ATP8B3: variants seen among roughly 807,000 people sequenced by gnomAD.
ATP8B3 encodes phospholipid-transporting ATPase IK.
ATP8B3 carries 141 observed loss-of-function variants against 140.9 expected under a neutral mutation model. The observed-to-expected ratio is 1.00, with a 90% CI of 0.87 to 1.15. The LOEUF is 1.15. Ranked by LOEUF, ATP8B3 falls within the 50% of genes most tolerant of loss-of-function variation. The pLI, the probability that ATP8B3 is intolerant of heterozygous loss-of-function variation, is 0.00. For missense variants in ATP8B3, 1,874 were observed against 1,740.6 expected (o/e 1.08, Z -1.36); for synonymous variants, 765 against 714.6 (o/e 1.07, Z -1.13).
chr19:1,799,791 C>G, intron 14 of ATP8B3, 156 bp downstream of exon 14: 2 of 765,816 alleles, frequency 2.6e-6, no homozygotes. Flanking sequence ...TTTCCTGGCC[C>G]CCTCCAAAGG....
rs535465823 is a variant in ATP8B3, at chr19:1,790,954, G to A, written c.2303-122C>T. ...TGGCAGCCACATGCCCCACCCCCTGGCCATGGTGATTGGTTCAGAGAAGGG... is the reference window on the plus strand; with the variant it reads ...TGGCAGCCACATGCCCCACCCCCTGACCATGGTGATTGGTTCAGAGAAGGG... On this transcript the variant is annotated intron_variant, in intron 20 of 28. Transcript: ENST00000310127. 4.6e-5 allele frequency: 37 copies of A among 811,956 alleles called. No homozygotes were observed. The Admixed American group carries it at 6.9e-4, about 15-fold the overall frequency. The allele number at this position is 811,956 out of a possible 1,614,324, so 50.3% of individuals were successfully genotyped here.
rs534721454 is a variant in ATP8B3 at position 1,800,068 on chromosome 19, G to A, written c.1431C>T (p.Ala477=). The A allele has an allele frequency of 1.3e-6, 2 of 1,587,070 alleles. No individual in the cohort carries two copies. Among genetic ancestry groups the A allele is most frequent in the Admixed American group, 3.6e-5 (2 of 55,880 alleles). The change falls in exon 14 of 29, where the codon GCC becomes GCT. Residue 477 remains alanine, a synonymous_variant. Transcript: ENST00000310127. The surrounding 1 kb of genome is among the most constrained non-coding windows in gnomAD (Gnocchi z 4.4). ...GGTGGTCGTTGAGGCTGGTGCTGCG[G>A]GCCTTGGCAGGCACGTCCTGCGGCT... ...YYKPQDVPAK[A]RSTSLNDHLG... is the part of the protein sequence containing the mutation.
Position 1,782,798 on chromosome 19 carries a change from A to G in ATP8B3, c.*230T>C, listed in dbSNP as rs2068195603. 1.8e-6 allele frequency: 1 copy of G among 568,890 alleles called. No individual in the cohort carries two copies. The highest frequency in any genetic ancestry group is 3.1e-6 in the Non-Finnish European group (1 of 322,460). 35.2% of individuals were successfully genotyped at this position (568,890 alleles called of 1,614,324 possible). ...AGAAGGTGGCCTCTGCTTGGGTGAC[A>G]ATGACCTCTCCTGTGCCCTTGGCAA... On this transcript the variant is annotated 3_prime_UTR_variant, in exon 29 of 29. Coordinates refer to ENST00000310127, the MANE Select transcript of ATP8B3 (RefSeq NM_138813.4).
At chr19:1,783,442 C>T (rs1348666039) in intron 28 of ATP8B3, among the ~76,000 whole-genome samples, 172 bp from the exon 29 acceptor site, 1 of 152,170 alleles carries the variant, frequency 6.6e-6, no homozygotes, top group Non-Finnish European at 1.5e-5. Flanking sequence ...GTGTTGAGTT[C>T]TAAGGAGGAC....
At chr19:1,783,966 C>T (rs2068229822) in intron 28 of ATP8B3, among the ~76,000 whole-genome samples, 1 of 152,152 alleles carries the variant, frequency 6.6e-6, no homozygotes, top group South Asian at 2.1e-4. Context: ...TCTCAAAGTG[C>T]TGGGATTACA....
intron 18 of ATP8B3, among the ~76,000 whole-genome samples, chr19:1,792,629 G>C (rs2057016307): frequency 6.9e-6 from 1 of 144,198 alleles, no homozygotes; most frequent in Non-Finnish European, 1.5e-5. Context: ...GCGGGGAAGA[G>C]GGCTGGGCGT....
intron 16 of ATP8B3, 44 bp from the exon 17 acceptor site, chr19:1,796,309 G>A (rs752221045): frequency 4.0e-5 from 60 of 1,505,950 alleles, no homozygotes; most frequent in South Asian, 4.7e-5. Flanking sequence ...GGTGGAGCCC[G>A]TCTCCATCTC....
Position 1,788,935 on chromosome 19 carries a change from G to GC in ATP8B3, c.3030dup (p.Gln1011AlafsTer17). On this transcript the variant is annotated frameshift_variant, in exon 24 of 29. Coordinates refer to ENST00000310127, the MANE Select transcript of ATP8B3 (RefSeq NM_138813.4). LOFTEE classifies it high-confidence loss of function. ...CCGTTGTAGCAGGCAAACCAGACCT[G>GC]CACCATCATGCTGGCCATGCTCTTG... 6.2e-7 allele frequency: 1 copy of GC among 1,605,954 alleles called. No individual in the cohort carries two copies. The highest frequency in any genetic ancestry group is 1.1e-5 in the South Asian group (1 of 89,562).
Position 1,806,139 on chromosome 19 carries a change from G to A in ATP8B3, c.708C>T (p.Cys236=), listed in dbSNP as rs753340691. ...TGCGGAGACAGACCACATCCCCCACGCACAGATCCTGCCATTTCTTCTGCT... is the reference window on the plus strand; with the variant it reads ...TGCGGAGACAGACCACATCCCCCACACACAGATCCTGCCATTTCTTCTGCT... The part of the protein sequence containing the change: ...SFKQKKWQDL[C]VGDVVCLRKD... The change falls in exon 8 of 29, where the codon TGC becomes TGT. Residue 236 remains cysteine (C), a synonymous_variant. Transcript: ENST00000310127. The surrounding 1 kb of genome is among the most constrained non-coding windows in gnomAD (Gnocchi z 5.6). 76 of 1,600,654 alleles carry A rather than the reference G, an allele frequency of 4.7e-5. No homozygotes were observed. Among genetic ancestry groups the A allele is most frequent in the Admixed American group, 6.9e-5 (4 of 58,268 alleles).
chr19:1,784,962 G>A lies in ATP8B3; in HGVS notation c.3533-16C>T, dbSNP rs1316300047. 3.7e-6 allele frequency: 6 copies of A among 1,601,348 alleles called. No homozygotes were observed. Among genetic ancestry groups the A allele is most frequent in the Non-Finnish European group, 5.1e-6 (6 of 1,174,366 alleles). On this transcript the variant is annotated splice_polypyrimidine_tract_variant and intron_variant, in intron 27 of 28. Transcript: ENST00000310127. ...AGGTCGGCATCTGGGGACAGGGCGGGGTCACAGCAGAGCCTACCCCCAGCT... is the reference window on the plus strand; with the variant it reads ...AGGTCGGCATCTGGGGACAGGGCGGAGTCACAGCAGAGCCTACCCCCAGCT...
In ATP8B3 at chr19:1,800,467, C is replaced by T. The variant is rs1439075115; in HGVS notation, c.1153-18G>A. The stretch of plus-strand genomic sequence containing the variant: ...ATGAAGATCTGGAAGGCAGACGCGA[C>T]AGGGTGGGTGAGGGGGGCGGGGGTC... On this transcript the variant is annotated intron_variant, in intron 12 of 28. Transcript: ENST00000310127. The surrounding 1 kb of genome is among the most constrained non-coding windows in gnomAD (Gnocchi z 4.4). The T allele has an allele frequency of 2.5e-6, 4 of 1,605,116 alleles. No individual in the cohort carries two copies. Among genetic ancestry groups the T allele is most frequent in the Admixed American group, 3.4e-5 (2 of 59,314 alleles).
chr19:1,800,464 C>T lies in ATP8B3; in HGVS notation c.1153-15G>A, dbSNP rs145756107. 1.8e-5 allele frequency: 29 copies of T among 1,605,252 alleles called. 2 individuals carry two copies. Among genetic ancestry groups the T allele is most frequent in the African/African-American group, 9.4e-5 (7 of 74,680 alleles). On this transcript the variant is annotated splice_polypyrimidine_tract_variant and intron_variant, in intron 12 of 28. Coordinates refer to ENST00000310127, the MANE Select transcript of ATP8B3 (RefSeq NM_138813.4). The surrounding 1 kb of genome is among the most constrained non-coding windows in gnomAD (Gnocchi z 4.4). The stretch of plus-strand genomic sequence containing the variant: ...GAGATGAAGATCTGGAAGGCAGACG[C>T]GACAGGGTGGGTGAGGGGGGCGGGG...
chr19:1,807,122 C>A lies in ATP8B3; in HGVS notation c.615+46G>T. ...CCCAGGGATCAAGAGACCCCCCCGACCGGCCCCGCTCCCTCCCCCAGGCAG... is the reference window on the plus strand; with the variant it reads ...CCCAGGGATCAAGAGACCCCCCCGAACGGCCCCGCTCCCTCCCCCAGGCAG... On this transcript the variant is annotated intron_variant, in intron 6 of 28. Transcript: ENST00000310127. This position sits in a 1 kb window ranked among gnomAD's most constrained non-coding sequence, Gnocchi z 5.9. The A allele has an allele frequency of 7.8e-6, 12 of 1,541,930 alleles. No individual in the cohort carries two copies. The highest frequency in any genetic ancestry group is 1.1e-5 in the Non-Finnish European group (12 of 1,116,852).
intron 18 of ATP8B3, among the ~76,000 whole-genome samples, chr19:1,793,781 T>C (rs748264853): frequency 1.7e-4 from 26 of 152,140 alleles, no homozygotes; most frequent in Non-Finnish European, 3.2e-4. Context: ...CTCACTCTGT[T>C]GCCCAGGCTG....
chr19:1,808,140 G>A (rs527503643), intron 5 of ATP8B3, 82 bp downstream of exon 5: 6 of 1,174,066 alleles, frequency 5.1e-6, no homozygotes, highest in South Asian at 4.0e-5. Flanking sequence ...AGTGGGACGT[G>A]AACCCACCCA....
intron 21 of ATP8B3, 35 bp downstream of exon 21, chr19:1,790,722 T>A: frequency 2.5e-6 from 3 of 1,180,240 alleles, no homozygotes; most frequent in Admixed American, 3.1e-5. Context: ...ACCTCCCCAC[T>A]CCCCTTGCTC....
In ATP8B3 at chr19:1,806,332, C is replaced by CGGGTCCACGCTCGGAGT; in HGVS notation, c.678-164_678-163insACTCCGAGCGTGGACCC. 1.4e-6 allele frequency: 2 copies of CGGGTCCACGCTCGGAGT among 1,470,066 alleles called. No individual in the cohort carries two copies. The highest frequency in any genetic ancestry group is 9.0e-7 in the Non-Finnish European group (1 of 1,115,720). 91.1% of individuals were successfully genotyped at this position (1,470,066 alleles called of 1,614,324 possible). A position where few individuals can be genotyped will look rare whatever the true frequency, so the allele number is the denominator to read the frequency against. ...CCCCGGGCTCCCACCCCACTCCCCG[C>CGGGTCCACGCTCGGAGT]GGGTCCACGCTCCCACCCAGTGACC... On this transcript the variant is annotated intron_variant, in intron 7 of 28. Coordinates refer to ENST00000310127, the MANE Select transcript of ATP8B3 (RefSeq NM_138813.4). The surrounding 1 kb of genome is among the most constrained non-coding windows in gnomAD (Gnocchi z 5.6).
chr19:1,793,366 G>A (rs933150444), intron 18 of ATP8B3, among the ~76,000 whole-genome samples: 3 of 152,164 alleles, frequency 2.0e-5, no homozygotes, highest in African/African-American at 4.8e-5. Context: ...GCCTCAAAAC[G>A]CTGAGATTAC....
rs748277887 is a variant in ATP8B3, at chr19:1,783,089, G to T, written c.3842C>A (p.Ala1281Glu). The T allele has an allele frequency of 1.2e-6, 2 of 1,613,248 alleles. No individual in the cohort carries two copies. Among genetic ancestry groups the T allele is most frequent in the Non-Finnish European group, 1.7e-6 (2 of 1,179,718 alleles). Residue 1281 changes from alanine to glutamate, a missense_variant, in exon 29 of 29, where the codon GCA becomes GAA. By Grantham distance (107) the Ala-to-Glu change is moderately radical (BLOSUM62 -1). Coordinates refer to ENST00000310127, the MANE Select transcript of ATP8B3 (RefSeq NM_138813.4). ...ATCAGATGGGTCTAGGGATTCAGAT[G>T]CTATGTCACTGCTGACCCCTGGTCC... ...RRGPGVSSDI[A>E]SESLDPSDEE...
Sources: allele counts gnomAD v4.1 joint callset (sites outside exome capture counted in the v4.1 genomes callset), GRCh38; gene constraint gnomAD v4.1.1; non-coding constraint Gnocchi (gnomAD v3.1); transcripts MANE v1.5; gene names NCBI Gene and HGNC (gene_info 2026-07-23, HGNC 2026-07-21).